The following ZNF600 variants were observed in gnomAD, a reference collection of about 807,000 sequenced individuals.
The protein encoded by ZNF600 is zinc finger protein KR-ZNF1.
ZNF600 carries 4 observed loss-of-function variants against 7.3 expected under a neutral mutation model. The observed-to-expected ratio is 0.55, with a 90% CI of 0.27 to 1.25. ZNF600 has a LOEUF of 1.25. ZNF600 is among the 50% of genes most tolerant of loss of function. The pLI, the probability that ZNF600 is intolerant of heterozygous loss-of-function variation, is 0.12. For synonymous variants in ZNF600, 290 were observed against 308.9 expected, an observed-to-expected ratio of 0.94 and a Z score of 0.64; for missense variants, 911 against 922.1, an observed-to-expected ratio of 0.99 and a Z score of 0.16.
chr19:52,795,001 A>G, the ZNF600 span, among the ~76,000 whole-genome samples: 6 of 152,232 alleles, frequency 3.9e-5, no homozygotes, highest in Non-Finnish European at 1.5e-5. Flanking sequence ...AATAAACACA[A>G]TTTTGAACAC....
the ZNF600 span, among the ~76,000 whole-genome samples, chr19:52,802,228 G>C: frequency 6.6e-6 from 1 of 152,106 alleles, no homozygotes; most frequent in Non-Finnish European, 1.5e-5. Flanking sequence ...AATTAGCCAG[G>C]TATGGTGGCC....
the ZNF600 span, among the ~76,000 whole-genome samples, chr19:52,817,336 C>G: frequency 1.7e-3 from 258 of 152,174 alleles, no homozygotes; most frequent in Admixed American, 3.1e-3. Context: ...CACGCCATTG[C>G]ACTCCAGCCT....
At chr19:52,811,317 G>A in the ZNF600 span, among the ~76,000 whole-genome samples, 16 of 149,658 alleles carry the variant, frequency 1.1e-4, no homozygotes, top group Middle Eastern at 3.4e-3. Flanking sequence ...CCGCCACCCC[G>A]TCTGGGAAGT....
At chr19:52,792,929 G>T in the ZNF600 span, among the ~76,000 whole-genome samples, 1 of 151,594 alleles carries the variant, frequency 6.6e-6, no homozygotes, top group Admixed American at 6.6e-5. Flanking sequence ...GTAGAGACAG[G>T]GTTTCACCGT....
intron 1 of ZNF600, among the ~76,000 whole-genome samples, chr19:52,782,061 A>AAT (rs1322624194): frequency 6.6e-6 from 1 of 151,530 alleles, no homozygotes; most frequent in African/African-American, 2.4e-5. Context: ...TCAATAAATA[A>AAT]ATATATATAT....
the ZNF600 span, among the ~76,000 whole-genome samples, chr19:52,822,703 A>C: frequency 6.6e-6 from 1 of 152,176 alleles, no homozygotes; most frequent in South Asian, 2.1e-4. Flanking sequence ...GGAGGTGACT[A>C]TCTGTGTCAG....
At chr19:52,831,573 G>A in the ZNF600 span, among the ~76,000 whole-genome samples, 1 of 151,868 alleles carries the variant, frequency 6.6e-6, no homozygotes, top group East Asian at 1.9e-4. Context: ...TGCGATCTCG[G>A]CTCACTGCAA....
the ZNF600 span, chr19:52,801,126 T>C: frequency 6.2e-7 from 1 of 1,614,134 alleles, no homozygotes; most frequent in Non-Finnish European, 8.5e-7. Context: ...ACATTGTTTC[T>C]CTTCTAAGTG....
At chr19:52,793,801 CACACACACACACACACAA>C in the ZNF600 span, among the ~76,000 whole-genome samples, 1 of 147,460 alleles carries the variant, frequency 6.8e-6, no homozygotes, top group African/African-American at 2.5e-5. Flanking sequence ...CACACACACA[CACACACACACACACACAA>C]AAGTGATGTA....
the ZNF600 span, among the ~76,000 whole-genome samples, chr19:52,793,446 C>T: frequency 6.6e-6 from 1 of 152,192 alleles, no homozygotes; most frequent in East Asian, 1.9e-4. Flanking sequence ...GGCAGAGGGA[C>T]AGCTCAAGTG....
chr19:52,783,984 A>G (rs2062744523), intron 1 of ZNF600, among the ~76,000 whole-genome samples: 1 of 152,114 alleles, frequency 6.6e-6, no homozygotes, highest in African/African-American at 2.4e-5. Context: ...GTATCACAAG[A>G]GAATCGCTTC....
chr19:52,814,774 T>C, the ZNF600 span, among the ~76,000 whole-genome samples: 14,581 of 144,438 alleles, frequency 0.1, 2,899 homozygotes, highest in African/African-American at 0.27. Context: ...GTATTCCCAG[T>C]TACTCAGGAG....
the ZNF600 span, among the ~76,000 whole-genome samples, chr19:52,796,522 A>G: frequency 6.6e-6 from 1 of 151,648 alleles, no homozygotes; most frequent in Non-Finnish European, 1.5e-5. Flanking sequence ...ACTGGAGTAC[A>G]GTGGCATGAT....
the ZNF600 span, among the ~76,000 whole-genome samples, chr19:52,823,373 C>G: frequency 6.6e-6 from 1 of 152,080 alleles, no homozygotes; most frequent in African/African-American, 2.4e-5. Flanking sequence ...GCCACCATGC[C>G]TGGCTAATGC....
upstream of ZNF600, among the ~76,000 whole-genome samples, chr19:52,791,587 G>A (rs918310597): frequency 6.0e-5 from 9 of 149,158 alleles, no homozygotes; most frequent in Non-Finnish European, 1.2e-4. Context: ...TCCTGAATGT[G>A]AAAAAAAAAA....
chr19:52,800,163 C>T, the ZNF600 span: 1 of 1,613,726 alleles, frequency 6.2e-7, no homozygotes, highest in Non-Finnish European at 8.5e-7. Context: ...TGATTTGCGA[C>T]TGAAAACTTT....
intron 1 of ZNF600, among the ~76,000 whole-genome samples, chr19:52,785,529 A>G (rs1013634446): frequency 1.3e-5 from 2 of 152,138 alleles, no homozygotes; most frequent in African/African-American, 4.8e-5. Context: ...GATTACAGGC[A>G]TGACCCACAG....
chr19:52,766,514 G>A, exon 4 of ZNF600: 1 of 1,614,058 alleles, frequency 6.2e-7, no homozygotes, highest in Non-Finnish European at 8.5e-7. Context: ...CATTACACTT[G>A]TAAGGTTTTC....
chr19:52,767,155 G>A (rs2062590585), exon 4 of ZNF600: 6 of 1,614,166 alleles, frequency 3.7e-6, no homozygotes, highest in East Asian at 2.2e-5. Flanking sequence ...TATTGCTTGT[G>A]ATTAAAGAGC....
Sources: gnomAD v4.1 joint callset for allele counts (sites outside exome capture counted in the v4.1 genomes callset) on GRCh38, gnomAD v4.1.1 for gene constraint, MANE v1.5 for transcripts, NCBI Gene and HGNC (gene_info 2026-07-23, HGNC 2026-07-21) for gene names.